KRT86: variants seen among roughly 807,000 people sequenced by gnomAD.
The protein encoded by KRT86 is keratin 86.
A neutral mutation model predicts 41.2 loss-of-function variants in KRT86; 30 were observed. That is an observed-to-expected ratio of 0.73 (90% CI 0.54 to 0.99). The LOEUF (loss-of-function observed/expected upper bound fraction) is 0.99, where lower values mean the gene tolerates loss of function less well. Among genes scored for constraint, KRT86 ranks in the 50% least tolerant of loss-of-function variants. KRT86 has a pLI of 0.00. For missense variants in KRT86, 561 were observed against 571.4 expected, an observed-to-expected ratio of 0.98 and a Z score of 0.19; for synonymous variants, 238 against 238.1, an observed-to-expected ratio of 1.00 and a Z score of 0.00.
intron 2 of KRT86, among the ~76,000 whole-genome samples, chr12:52,298,728 C>T (rs373075365): frequency 2.0e-4 from 30 of 152,340 alleles, no homozygotes; most frequent in Non-Finnish European, 3.1e-4. Context: ...GAATTCGAAA[C>T]GAGGCAGTTT....
chr12:52,306,131 C>T lies in KRT86; in HGVS notation c.1098C>T (p.Cys366=). The stretch of plus-strand genomic sequence containing the variant: ...AGGCGGCCCTCAGCGATGCCCGCTG[C>T]AAGTTGGCCGAGCTGGAGGGTGCCC... The part of the protein sequence containing the change: ...QGEAALSDAR[C]KLAELEGALQ... Residue 366 remains cysteine (C), a synonymous_variant, in exon 9 of 11, where the codon TGC becomes TGT. Transcript: ENST00000423955. The T allele has an allele frequency of 6.2e-7, 1 of 1,614,016 alleles. No individual in the cohort carries two copies. Among genetic ancestry groups the T allele is most frequent in the Non-Finnish European group, 8.5e-7 (1 of 1,180,042 alleles).
rs1400310122 is a variant in KRT86 at position 52,291,330 on chromosome 12, C to G, written c.-4-10583C>G. The stretch of plus-strand genomic sequence containing the variant: ...AAGCCTCCGCACACGCTGTGGCTGC[C>G]GAAGCCCCCGGTGAGGCCGCGGTAG... On this transcript the variant is annotated intron_variant, in intron 2 of 10. Transcript: ENST00000423955. The G allele has an allele frequency of 1.0e-5, 16 of 1,555,808 alleles. No homozygotes were observed. The highest frequency in any genetic ancestry group is 8.3e-5 in the South Asian group (7 of 84,692).
intron 2 of KRT86, among the ~76,000 whole-genome samples, chr12:52,296,657 A>G (rs1938257303): frequency 9.3e-6 from 1 of 107,892 alleles, no homozygotes; most frequent in South Asian, 2.8e-4. Context: ...CAGGGCTCTG[A>G]CTTGGGCTCT....
Position 52,306,138 on chromosome 12 carries a change from G to C in KRT86, c.1105G>C (p.Ala369Pro). The C allele has an allele frequency of 6.2e-7, 1 of 1,613,990 alleles. No individual in the cohort carries two copies. Among genetic ancestry groups the C allele is most frequent in the South Asian group, 1.1e-5 (1 of 91,082 alleles). ...AALSDARCKL[A>P]ELEGALQKAK... ...CCTCAGCGATGCCCGCTGCAAGTTG[G>C]CCGAGCTGGAGGGTGCCCTGCAGAA... Residue 369 changes from alanine to proline, a missense_variant, in exon 9 of 11, where the codon GCC becomes CCC. Transcript: ENST00000423955.
rs148003777 is a variant in KRT86 at position 52,291,478 on chromosome 12, C to T, written c.-4-10435C>T. 1.2e-4 allele frequency: 201 copies of T among 1,612,486 alleles called. No individual in the cohort carries two copies. In the East Asian group the frequency reaches 4.2e-3, roughly 34 times the overall value. ...ATCCGCAGGTCATGATCCTCCTGGA[C>T]GTTTGGGTTGCAGAGGACAGGATAG... is the stretch of plus-strand genomic sequence containing the variant. On this transcript the variant is annotated intron_variant, in intron 2 of 10. Transcript: ENST00000423955.
chr12:52,287,549 T>A (rs772894277), intron 2 of KRT86: 1 of 1,613,856 alleles, frequency 6.2e-7, no homozygotes, highest in Non-Finnish European at 8.5e-7. Flanking sequence ...TGTGTGACAA[T>A]GGTTAGGCCC....
intron 2 of KRT86, among the ~76,000 whole-genome samples, chr12:52,293,525 G>A (rs780625676): frequency 1.3e-5 from 2 of 152,178 alleles, no homozygotes; most frequent in African/African-American, 2.4e-5. Flanking sequence ...AAGACGGGCA[G>A]AGTCAGAGTG....
rs1191055495 is a variant in KRT86 at position 52,308,981 on chromosome 12, A to G, written c.*396A>G. 1 of 253,506 alleles carries G rather than the reference A, an allele frequency of 3.9e-6. No homozygotes were observed. Among genetic ancestry groups the G allele is most frequent in the Non-Finnish European group, 7.6e-6 (1 of 131,354 alleles). The allele number at this position is 253,506 out of a possible 1,614,324, so 15.7% of individuals were successfully genotyped here. A position where few individuals can be genotyped will look rare whatever the true frequency, so the allele number is the denominator to read the frequency against. Reference sequence around the variant, plus strand: ...CTGCCCATGTGCTTTTGCCTGTGGAATGGAGACGCGGACCCTGGATAGTGG... The same window carrying G: ...CTGCCCATGTGCTTTTGCCTGTGGAGTGGAGACGCGGACCCTGGATAGTGG... On this transcript the variant is annotated 3_prime_UTR_variant, in exon 11 of 11. Coordinates refer to ENST00000423955, the MANE Select transcript of KRT86 (RefSeq NM_001320198.2).
chr12:52,305,156 C>T, intron 6 of KRT86, 84 bp from the exon 7 acceptor site: 1 of 1,610,314 alleles, frequency 6.2e-7, no homozygotes, highest in African/African-American at 1.3e-5. Flanking sequence ...GGTTGGGGAC[C>T]AGAGAAAGCC....
intron 2 of KRT86, among the ~76,000 whole-genome samples, chr12:52,285,709 G>A (rs982786875): frequency 2.0e-5 from 3 of 152,190 alleles, no homozygotes; most frequent in African/African-American, 7.2e-5. Flanking sequence ...TCTGCAAGGT[G>A]TATCATTAGG....
At chr12:52,288,715 G>T (rs1352279636) in intron 2 of KRT86, among the ~76,000 whole-genome samples, 4 of 151,636 alleles carry the variant, frequency 2.6e-5, no homozygotes, top group Non-Finnish European at 5.9e-5. Context: ...CTCATCTCCT[G>T]CTCCAGGAAG....
intron 2 of KRT86, among the ~76,000 whole-genome samples, chr12:52,278,412 G>C (rs889012405): frequency 1.3e-5 from 2 of 148,990 alleles, no homozygotes; most frequent in Non-Finnish European, 3.0e-5. Flanking sequence ...CACCTTCCAA[G>C]ATCAAGTCAG....
At chr12:52,276,786 C>T (rs1937641759) in intron 2 of KRT86, among the ~76,000 whole-genome samples, 1 of 152,226 alleles carries the variant, frequency 6.6e-6, no homozygotes, top group African/African-American at 2.4e-5. Context: ...TTAGCCTCCT[C>T]TCTTAACCCA....
chr12:52,295,280 T>C (rs1938221971), intron 2 of KRT86, among the ~76,000 whole-genome samples: 1 of 152,194 alleles, frequency 6.6e-6, no homozygotes, highest in Admixed American at 6.5e-5. Flanking sequence ...ATTTAATTTT[T>C]ACAGTTGCCC....
chr12:52,302,841 T>TTG (rs1555187690), intron 3 of KRT86, among the ~76,000 whole-genome samples: 42 of 127,236 alleles, frequency 3.3e-4, no homozygotes, highest in Non-Finnish European at 2.5e-4. Context: ...GGGTGGGGGG[T>TTG]GGGGGGGGGG....
At chr12:52,307,084 G>A (rs557266801) in intron 9 of KRT86, 11 of 152,428 alleles carry the variant, frequency 7.2e-5, no homozygotes, top group African/African-American at 2.4e-4. Flanking sequence ...TGGCCCTGGG[G>A]AGAGGAGGGT....
In KRT86 at chr12:52,308,768, C is replaced by T. The variant is rs974287298; in HGVS notation, c.*183C>T. On this transcript the variant is annotated 3_prime_UTR_variant, in exon 11 of 11. Transcript: ENST00000423955. ...CCGGTCGCAGGAGTCCGGGGAGGGC[C>T]GGGAGGCGCCATGGTCTCTCTCTGT... is the stretch of plus-strand genomic sequence containing the variant. 9 of 606,526 alleles carry T rather than the reference C, an allele frequency of 1.5e-5. No homozygotes were observed. The Admixed American group carries it at 2.1e-4, about 14-fold the overall frequency. The allele number at this position is 606,526 out of a possible 1,614,324, so 37.6% of individuals were successfully genotyped here. A position where few individuals can be genotyped will look rare whatever the true frequency, so the allele number is the denominator to read the frequency against.
chr12:52,274,750 T>A (rs1258432793), intron 1 of KRT86, 28 bp downstream of exon 1: 1 of 984,354 alleles, frequency 1.0e-6, no homozygotes, highest in African/African-American at 1.7e-5. Context: ...GGCTCCCTGG[T>A]CACACAGGGA....
chr12:52,308,387 G>A lies in KRT86; in HGVS notation c.1280-17G>A, dbSNP rs781459720. 21 of 1,611,220 alleles carry A rather than the reference G, an allele frequency of 1.3e-5. No individual in the cohort carries two copies. In the South Asian group the frequency reaches 2.1e-4, roughly 16 times the overall value. ...GCGGCTGCGCCTGACGCGCGCCTCC[G>A]TCTCTTTCCCCTGCAGGCGTCAGCA... On this transcript the variant is annotated splice_polypyrimidine_tract_variant and intron_variant, in intron 10 of 10. Transcript: ENST00000423955.
Sources: gnomAD v4.1 joint callset for allele counts (sites outside exome capture counted in the v4.1 genomes callset) on GRCh38, gnomAD v4.1.1 for gene constraint, MANE v1.5 for transcripts, NCBI Gene and HGNC (gene_info 2026-07-23, HGNC 2026-07-21) for gene names.